The following EPHA4 variants were observed in gnomAD, a reference collection of about 807,000 sequenced individuals.
EPHA4 encodes EPH receptor A4, also known as ephrin type-A receptor 4.
A neutral mutation model predicts 108.3 loss-of-function variants in EPHA4; 19 were observed. The ratio of observed to expected loss-of-function variants is 0.18; its 90% CI spans 0.12 to 0.26. The LOEUF (loss-of-function observed/expected upper bound fraction) is 0.26, where lower values mean the gene tolerates loss of function less well. EPHA4 is among the 10% of genes least tolerant of loss of function. EPHA4 has a pLI of 1.00. For synonymous variants in EPHA4, 449 were observed against 455.5 expected, an observed-to-expected ratio of 0.99 and a Z score of 0.18; for missense variants, 917 against 1,254.0, an observed-to-expected ratio of 0.73 and a Z score of 4.06.
chr2:221,435,743 C>G (rs1233218124), intron 13 of EPHA4, among the ~76,000 whole-genome samples: 1 of 152,110 alleles, frequency 6.6e-6, no homozygotes, highest in Non-Finnish European at 1.5e-5. Context: ...TCCTAATCCC[C>G]GCTTATCTAC....
chr2:221,450,951 C>T (rs1393542729), intron 8 of EPHA4, among the ~76,000 whole-genome samples: 3 of 152,236 alleles, frequency 2.0e-5, no homozygotes, highest in Non-Finnish European at 4.4e-5. Flanking sequence ...TGGTAGCTCA[C>T]GCCTGTAATC....
At position 221,446,112 on chromosome 2, in the gene EPHA4, A is replaced by G. The variant is rs771055487; in HGVS notation, c.1774+11T>C. 5.2e-6 allele frequency: 8 copies of G among 1,527,574 alleles called. No homozygotes were observed. Among genetic ancestry groups the G allele is most frequent in the Non-Finnish European group, 5.3e-6 (6 of 1,139,420 alleles). The allele number at this position is 1,527,574 out of a possible 1,614,324, so 94.6% of individuals were successfully genotyped here. A position where few individuals can be genotyped will look rare whatever the true frequency, so the allele number is the denominator to read the frequency against. On this transcript the variant is annotated intron_variant, in intron 9 of 17. Coordinates refer to ENST00000281821, the MANE Select transcript of EPHA4 (RefSeq NM_004438.5). ...TCTAAAAATAGAATTTTTTAATCCA[A>G]TTTTTTGTACCTTGATTCAAATGTT...
At chr2:221,474,856 C>A (rs1009350032) in intron 5 of EPHA4, among the ~76,000 whole-genome samples, 1 of 152,046 alleles carries the variant, frequency 6.6e-6, no homozygotes, top group Admixed American at 6.6e-5. Flanking sequence ...AGATAAGGCA[C>A]AGGAGCAGAG....
In EPHA4 at chr2:221,566,998, A is replaced by AAGAAGAAGAAGAAGAAGAAGAAGG. The variant is rs1183029391; in HGVS notation, c.159+1719_159+1720insCCTTCTTCTTCTTCTTCTTCTTCT. 2.0e-4 allele frequency among the ~76,000 whole-genome samples: 28 copies of AAGAAGAAGAAGAAGAAGAAGAAGG among 140,436 alleles called. 2 individuals are homozygous for AAGAAGAAGAAGAAGAAGAAGAAGG. The South Asian group carries it at 3.9e-3, about 19-fold the overall frequency. 92.1% of individuals were successfully genotyped at this position (140,436 alleles called of 152,430 possible). On this transcript the variant is annotated intron_variant, in intron 2 of 17. Transcript: ENST00000281821. ...GAAGAAGAAGAAGAAGAAGAAGAAGAAGAAGAAGAAGAAAAAAATGTCTGC... is the reference window on the plus strand; with the variant it reads ...GAAGAAGAAGAAGAAGAAGAAGAAGAAGAAGAAGAAGAAGAAGAAGAAGGAGAAGAAGAAGAAAAAAATGTCTGC...
intron 3 of EPHA4, among the ~76,000 whole-genome samples, chr2:221,549,677 A>G (rs1181507967): frequency 6.6e-6 from 1 of 151,492 alleles, no homozygotes; most frequent in Non-Finnish European, 1.5e-5. Context: ...CGCATGTTTA[A>G]GATCTACACA....
At chr2:221,465,775 A>G (rs1012943804) in intron 5 of EPHA4, among the ~76,000 whole-genome samples, 2 of 152,184 alleles carry the variant, frequency 1.3e-5, no homozygotes, top group African/African-American at 2.4e-5. Context: ...ATCACCACCA[A>G]CTGGATGCGA....
chr2:221,533,648 T>C (rs1408203298), intron 3 of EPHA4, among the ~76,000 whole-genome samples: 2 of 144,444 alleles, frequency 1.4e-5, no homozygotes, highest in African/African-American at 5.2e-5. Flanking sequence ...ATAATGATGG[T>C]ACCGGGGGCT....
rs1316833087 is a variant in EPHA4, at chr2:221,468,231, A to AG, written c.1319-10242dup. ...CCAATCACTTCCTAGGGAAGATCAG[A>AG]GGAAAAAAAAAAGGCCCCCCAAAAT... is the stretch of plus-strand genomic sequence containing the variant. On this transcript the variant is annotated intron_variant, in intron 5 of 17. Coordinates refer to ENST00000281821, the MANE Select transcript of EPHA4 (RefSeq NM_004438.5). Among the ~76,000 whole-genome samples, 5 of 151,276 alleles carry AG rather than the reference A, an allele frequency of 3.3e-5. No individual in the cohort carries two copies. The East Asian group carries it at 9.9e-4, about 30-fold the overall frequency.
At chr2:221,517,102 T>G (rs949417332) in intron 3 of EPHA4, among the ~76,000 whole-genome samples, 4 of 152,180 alleles carry the variant, frequency 2.6e-5, no homozygotes, top group African/African-American at 7.2e-5. Context: ...GAGCACATAT[T>G]CTACTGGCAG....
At chr2:221,448,386 T>G (rs189463590) in intron 8 of EPHA4, among the ~76,000 whole-genome samples, 1 of 152,280 alleles carries the variant, frequency 6.6e-6, no homozygotes, top group African/African-American at 2.4e-5. Context: ...TGAGAGTTAA[T>G]TATAAGTAGT....
intron 3 of EPHA4, among the ~76,000 whole-genome samples, chr2:221,529,606 A>G (rs1275422379): frequency 6.6e-6 from 1 of 152,220 alleles, no homozygotes; most frequent in African/African-American, 2.4e-5. Context: ...TGTGACTCCA[A>G]ATAAATGGAG....
At chr2:221,437,260 C>G (rs1022159616) in intron 11 of EPHA4, 138 bp from the exon 12 acceptor site, 2 of 602,956 alleles carry the variant, frequency 3.3e-6, no homozygotes, top group African/African-American at 3.7e-5. Flanking sequence ...CAAGCTTATG[C>G]CTCAGCTGTG....
At chr2:221,446,346 G>A (rs2052943) in intron 8 of EPHA4, among the ~76,000 whole-genome samples, 165 bp from the exon 9 acceptor site, 11,929 of 152,020 alleles carry the variant, frequency 0.078, 621 homozygotes, top group East Asian at 0.25. Flanking sequence ...TTGTCACCTG[G>A]GTAGTGAGTC....
chr2:221,430,275 C>G lies in EPHA4; in HGVS notation c.2497-124G>C, dbSNP rs1690034186. 5 of 935,092 alleles carry G rather than the reference C, an allele frequency of 5.3e-6. No individual in the cohort carries two copies. In the South Asian group the frequency reaches 8.9e-5, roughly 17 times the overall value. 57.9% of individuals were successfully genotyped at this position (935,092 alleles called of 1,614,324 possible). ...GCAAGCTGGAGCCTGGGAACAGCTC[C>G]AACTCCTTCACATGAGCCAAAGCTA... On this transcript the variant is annotated intron_variant, in intron 14 of 17. Transcript: ENST00000281821.
rs1275196453 is a variant in EPHA4 at position 221,566,836 on chromosome 2, A to AAGAAGG, written c.159+1876_159+1881dup. Among the ~76,000 whole-genome samples the AAGAAGG allele has an allele frequency of 6.5e-4, 63 of 96,830 alleles. 6 individuals are homozygous for AAGAAGG. Among genetic ancestry groups the AAGAAGG allele is most frequent in the East Asian group, 1.0e-3 (3 of 2,952 alleles). The allele number at this position is 96,830 out of a possible 152,430, so 63.5% of individuals were successfully genotyped here. On this transcript the variant is annotated intron_variant, in intron 2 of 17. Coordinates refer to ENST00000281821, the MANE Select transcript of EPHA4 (RefSeq NM_004438.5). ...GAAGAAGGAGAAGAAGGAGAAGGAG[A>AAGAAGG]AGAAGGAGAAGGAGAAGGAGAAGAA...
intron 9 of EPHA4, 118 bp from the exon 10 acceptor site, chr2:221,443,724 A>C: frequency 1.7e-6 from 1 of 603,240 alleles, no homozygotes; most frequent in Admixed American, 3.2e-5. Flanking sequence ...TACGGTCTTG[A>C]CATATGAAAA....
intron 4 of EPHA4, among the ~76,000 whole-genome samples, chr2:221,494,322 T>C (rs12995875): frequency 0.23 from 34,791 of 152,212 alleles, 4,651 homozygotes; most frequent in East Asian, 0.36. Flanking sequence ...GTTACCTTAA[T>C]GCCGGGTGCA....
At chr2:221,490,323 T>C (rs569158691) in intron 4 of EPHA4, among the ~76,000 whole-genome samples, 1 of 151,124 alleles carries the variant, frequency 6.6e-6, no homozygotes, top group South Asian at 2.1e-4. Flanking sequence ...AGACAGTTGA[T>C]AGAAAAACCA....
At chr2:221,560,066 A>C (rs1694415988) in intron 3 of EPHA4, among the ~76,000 whole-genome samples, 1 of 152,156 alleles carries the variant, frequency 6.6e-6, no homozygotes, top group South Asian at 2.1e-4. Context: ...GACTCAGTGG[A>C]TGATCAGGGT....
Sources: allele counts gnomAD v4.1 joint callset (sites outside exome capture counted in the v4.1 genomes callset), GRCh38; gene constraint gnomAD v4.1.1; transcripts MANE v1.5; gene names NCBI Gene and HGNC (gene_info 2026-07-23, HGNC 2026-07-21).